Variants in SIN3B observed in about 807,000 individuals in gnomAD.
SIN3B encodes the protein SIN3 transcription regulator family member B.
SIN3B carries 19 observed loss-of-function variants against 120.2 expected under a neutral mutation model. That is an observed-to-expected ratio of 0.16 (90% CI 0.11 to 0.23). The LOEUF is 0.23. Among genes scored for constraint, SIN3B ranks in the 10% least tolerant of loss-of-function variants. SIN3B has a pLI of 1.00. For synonymous variants in SIN3B, 654 were observed against 653.2 expected (o/e 1.00, Z -0.02); for missense variants, 1,073 against 1,573.0 (o/e 0.68, Z 5.38).
At chr19:16,861,810 C>G (rs1032614333) in intron 8 of SIN3B, among the ~76,000 whole-genome samples, 1 of 151,992 alleles carries the variant, frequency 6.6e-6, no homozygotes, top group Non-Finnish European at 1.5e-5. Context: ...TGGCACATGC[C>G]TGTGGTCCCA....
At chr19:16,871,183 T>C in intron 13 of SIN3B, 46 bp from the exon 14 acceptor site, 1 of 1,612,968 alleles carries the variant, frequency 6.2e-7, no homozygotes, top group Non-Finnish European at 8.5e-7. Context: ...CTGCGTGACT[T>C]TGCGCTCTCC....
chr19:16,867,775 C>G (rs920792905), intron 12 of SIN3B, among the ~76,000 whole-genome samples: 1 of 152,158 alleles, frequency 6.6e-6, no homozygotes, highest in African/African-American at 2.4e-5. Context: ...CTGTGGGGAC[C>G]CCCTTCCCTC....
In SIN3B at chr19:16,878,354, C is replaced by T; in HGVS notation, c.3126C>T (p.Tyr1042=). 1.9e-6 allele frequency: 3 copies of T among 1,612,496 alleles called. No homozygotes were observed. Among genetic ancestry groups the T allele is most frequent in the Non-Finnish European group, 2.5e-6 (3 of 1,179,728 alleles). ...TGTTCATCGTGAACTCCGAGGACTA[C>T]ATGTACCGTCGCGGGACCCTCTGCC... is the stretch of plus-strand genomic sequence containing the variant. The part of the protein sequence containing the change: ...KMVFIVNSED[Y]MYRRGTLCRA... Residue 1042 remains tyrosine (Y), a synonymous_variant, in exon 18 of 19, where the codon TAC becomes TAT. Coordinates refer to ENST00000248054, the MANE Select transcript of SIN3B (RefSeq NM_001297595.2).
At chr19:16,851,364 G>C in intron 5 of SIN3B, 48 bp from the exon 6 acceptor site, 1 of 1,521,722 alleles carries the variant, frequency 6.6e-7, no homozygotes, top group Non-Finnish European at 8.8e-7. Flanking sequence ...CAGGTGCATG[G>C]GTCCAGCCAC....
chr19:16,878,805 T>C lies in SIN3B; in HGVS notation c.*78T>C. The C allele has an allele frequency of 7.8e-7, 1 of 1,286,756 alleles. No individual in the cohort carries two copies. Among genetic ancestry groups the C allele is most frequent in the Non-Finnish European group, 1.1e-6 (1 of 939,198 alleles). 79.7% of individuals were successfully genotyped at this position (1,286,756 alleles called of 1,614,324 possible). On this transcript the variant is annotated 3_prime_UTR_variant, in exon 19 of 19. Transcript: ENST00000248054. ...GGCCTTGGTCGTGTCGGGGCCGTTT[T>C]CTTGAACGACGTGAGAGGCATCTCC... is the stretch of plus-strand genomic sequence containing the variant.
Position 16,869,754 on chromosome 19 carries a change from C to A in SIN3B, c.2101C>A (p.Pro701Thr). 1 of 1,613,216 alleles carries A rather than the reference C, an allele frequency of 6.2e-7. No homozygotes were observed. Among genetic ancestry groups the A allele is most frequent in the East Asian group, 2.2e-5 (1 of 44,884 alleles). ...CACAGACCCCAGTGAGCGGAAGAAG[C>A]CGGCGCCAGGACCCCACAGTAGCCC... is the stretch of plus-strand genomic sequence containing the variant. ...QTTDPSERKK[P>T]APGPHSSPPE... The change falls in exon 13 of 19, where the codon CCG (proline) becomes ACG (threonine). Residue 701 changes from proline (P) to threonine (T), a missense_variant. Pro to Thr is a conservative substitution (Grantham distance 38). Coordinates refer to ENST00000248054, the MANE Select transcript of SIN3B (RefSeq NM_001297595.2).
rs765877073 is a variant in SIN3B, at chr19:16,829,787, G to T, written c.121-4G>T. 2.5e-6 allele frequency: 4 copies of T among 1,609,860 alleles called. No individual in the cohort carries two copies. Among genetic ancestry groups the T allele is most frequent in the Non-Finnish European group, 3.4e-6 (4 of 1,176,848 alleles). On this transcript the variant is annotated splice_region_variant and splice_polypyrimidine_tract_variant and intron_variant, in intron 1 of 18. Coordinates refer to ENST00000248054, the MANE Select transcript of SIN3B (RefSeq NM_001297595.2). ...GCCCACCGGGACCCTCCCCCTCTCT[G>T]CAGGTAGAAGACGCCCTCACCTATC...
At position 16,876,437 on chromosome 19, in the gene SIN3B, C is replaced by T. The variant is rs372831600; in HGVS notation, c.2767-49C>T. 5.0e-6 allele frequency: 8 copies of T among 1,586,126 alleles called. No homozygotes were observed. The African/African-American group carries it at 5.4e-5, about 11-fold the overall frequency. ...GTGGCCTTGCGAGCCTGCGCTGTGC[C>T]GGCTGGGCTGTGCCGGCAGTGGAGG... On this transcript the variant is annotated intron_variant, in intron 15 of 18. Coordinates refer to ENST00000248054, the MANE Select transcript of SIN3B (RefSeq NM_001297595.2). The surrounding 1 kb of genome is among the most constrained non-coding windows in gnomAD (Gnocchi z 7.1).
chr19:16,848,831 T>C (rs1971510886), intron 5 of SIN3B, among the ~76,000 whole-genome samples: 1 of 151,930 alleles, frequency 6.6e-6, no homozygotes, highest in East Asian at 1.9e-4. Context: ...AGAGACAGGG[T>C]CTCACAATGT....
intron 12 of SIN3B, among the ~76,000 whole-genome samples, chr19:16,867,211 C>G (rs947425627): frequency 6.6e-6 from 1 of 152,230 alleles, no homozygotes; most frequent in African/African-American, 2.4e-5. Context: ...CATCTGACCT[C>G]ACTCCTGAAC....
rs533620526 is a variant in SIN3B, at chr19:16,860,300, G to C, written c.1059-2052G>C. ...ACGGCCCAGGGAACTGCCCCTCGCA[G>C]CTGGCAGCCGCGTGGCAGCCAGGGT... is the stretch of plus-strand genomic sequence containing the variant. On this transcript the variant is annotated intron_variant, in intron 8 of 18. Coordinates refer to ENST00000248054, the MANE Select transcript of SIN3B (RefSeq NM_001297595.2). Among the ~76,000 whole-genome samples the C allele has an allele frequency of 2.0e-5, 3 of 152,348 alleles. No individual in the cohort carries two copies. In the East Asian group the frequency reaches 5.8e-4, roughly 29 times the overall value.
At position 16,862,568 on chromosome 19, in the gene SIN3B, C is replaced by G. The variant is rs764965541; in HGVS notation, c.1266+9C>G. ...CAGCCATCTGCAAGGAGGTAGCGCT[C>G]CCTGGGGCTCAAATGTTCGTTGACA... On this transcript the variant is annotated intron_variant, in intron 9 of 18. Coordinates refer to ENST00000248054, the MANE Select transcript of SIN3B (RefSeq NM_001297595.2). The surrounding 1 kb of genome is among the most constrained non-coding windows in gnomAD (Gnocchi z 4.7). 1.9e-5 allele frequency: 30 copies of G among 1,609,570 alleles called. No homozygotes were observed. The highest frequency in any genetic ancestry group is 2.5e-5 in the Non-Finnish European group (29 of 1,178,614).
chr19:16,841,705 TG>T, intron 3 of SIN3B, 62 bp from the exon 4 acceptor site: 1 of 1,463,052 alleles, frequency 6.8e-7, no homozygotes, highest in Non-Finnish European at 9.6e-7. Context: ...TGGCTGGGCC[TG>T]GTGTTTTTCA....
intron 14 of SIN3B, 168 bp from the exon 15 acceptor site, chr19:16,875,863 GGTCTGGTCTGGTCTGGTCTGGTCT>G: frequency 3.1e-6 from 2 of 641,576 alleles, no homozygotes; most frequent in Non-Finnish European, 5.3e-6. Context: ...TGTTTGGTCT[GGTCTGGTCTGGTCTGGTCTGGTCT>G]GTTTGGTCTG....
At chr19:16,829,929 A>G in intron 2 of SIN3B, 32 bp downstream of exon 2, 1 of 1,500,838 alleles carries the variant, frequency 6.7e-7, no homozygotes, top group Non-Finnish European at 9.3e-7. Context: ...ACCTCAGGGG[A>G]CCCCCCTGGG....
At chr19:16,857,553 G>GTGTGTGTA (rs66778532) in intron 8 of SIN3B, among the ~76,000 whole-genome samples, 4,675 of 139,468 alleles carry the variant, frequency 0.034, 104 homozygotes, top group Middle Eastern at 0.043. Flanking sequence ...GTGTGTGTGT[G>GTGTGTGTA]TATATATACA....
chr19:16,831,683 T>C, intron 3 of SIN3B, 36 bp downstream of exon 3: 1 of 1,605,410 alleles, frequency 6.2e-7, no homozygotes, highest in South Asian at 1.1e-5. Flanking sequence ...ATCTCAGCCT[T>C]CACCGAGTAT....
At chr19:16,875,927 C>A in intron 14 of SIN3B, 128 bp from the exon 15 acceptor site, 1 of 1,150,144 alleles carries the variant, frequency 8.7e-7, no homozygotes, top group Non-Finnish European at 1.2e-6. Flanking sequence ...GGATTCTGGT[C>A]TCTTCATCCC....
chr19:16,867,951 A>G (rs746664790), intron 12 of SIN3B, among the ~76,000 whole-genome samples: 22 of 152,162 alleles, frequency 1.4e-4, no homozygotes, highest in Non-Finnish European at 2.4e-4. Flanking sequence ...AAATCCACCA[A>G]TGCGACCCTG....
Sources: allele counts gnomAD v4.1 joint callset (sites outside exome capture counted in the v4.1 genomes callset), GRCh38; gene constraint gnomAD v4.1.1; non-coding constraint Gnocchi (gnomAD v3.1); transcripts MANE v1.5; gene names NCBI Gene and HGNC (gene_info 2026-07-23, HGNC 2026-07-21).